SLC25A32: variants seen among roughly 807,000 people sequenced by gnomAD.
SLC25A32 encodes solute carrier family 25 member 32.
Under a neutral mutation model 39.0 loss-of-function variants are expected in SLC25A32, and 32 were observed. The observed-to-expected ratio is 0.82, with a 90% CI of 0.62 to 1.10. The LOEUF is 1.10. Among genes scored for constraint, SLC25A32 ranks in the 50% least tolerant of loss-of-function variants. SLC25A32 has a pLI of 0.00. For missense variants in SLC25A32, 367 were observed against 395.3 expected, an observed-to-expected ratio of 0.93 and a Z score of 0.61; for synonymous variants, 166 against 152.4, an observed-to-expected ratio of 1.09 and a Z score of -0.66.
intron 3 of SLC25A32, 52 bp downstream of exon 3, chr8:103,404,724 C>CT (rs1816290104): frequency 7.3e-7 from 1 of 1,361,020 alleles, no homozygotes; most frequent in South Asian, 1.2e-5. Context: ...AAAACCAAAA[C>CT]TGAAAATTAA....
At chr8:103,408,714 G>A (rs1398049867) in intron 1 of SLC25A32, among the ~76,000 whole-genome samples, 2 of 152,180 alleles carry the variant, frequency 1.3e-5, no homozygotes, top group African/African-American at 4.8e-5. Context: ...TCTTACTAGA[G>A]TGTTCCATAT....
chr8:103,413,795 C>T (rs1276347619), intron 1 of SLC25A32, among the ~76,000 whole-genome samples: 1 of 152,186 alleles, frequency 6.6e-6, no homozygotes, highest in Non-Finnish European at 1.5e-5. Flanking sequence ...TGGGAAACCC[C>T]AAGCCCCAAT....
At position 103,414,812 on chromosome 8, in the gene SLC25A32, C is replaced by T; in HGVS notation, c.126G>A (p.Pro42=). The T allele has an allele frequency of 6.2e-7, 1 of 1,613,780 alleles. No individual in the cohort carries two copies. The highest frequency in any genetic ancestry group is 8.5e-7 in the Non-Finnish European group (1 of 1,180,038). Reference sequence around the variant, plus strand: ...CGAAGCGGATCTTCACGAGGTCGAGCGGATGCAGCGCAAGGTTGGATAAGA... The same window carrying T: ...CGAAGCGGATCTTCACGAGGTCGAGTGGATGCAGCGCAAGGTTGGATAAGA... The part of the protein sequence containing the change: ...GGVLSNLALH[P]LDLVKIRFAV... Residue 42 remains proline, a synonymous_variant, in exon 1 of 7, where the codon CCG becomes CCA. Coordinates refer to ENST00000297578, the MANE Select transcript of SLC25A32 (RefSeq NM_030780.5).
At chr8:103,401,043 TTTAGAA>T (rs1361110229) in intron 6 of SLC25A32, among the ~76,000 whole-genome samples, 1 of 152,248 alleles carries the variant, frequency 6.6e-6, no homozygotes, top group Non-Finnish European at 1.5e-5. Context: ...CCTCTGTTCC[TTTAGAA>T]TTAAAGGGAA....
chr8:103,406,065 G>GTGTGTGTATATATATA (rs372284581), intron 2 of SLC25A32, among the ~76,000 whole-genome samples: 93 of 144,234 alleles, frequency 6.4e-4, no homozygotes, highest in Non-Finnish European at 1.0e-3. Flanking sequence ...GTGTGTGTGT[G>GTGTGTGTATATATATA]TATATATATA....
intron 1 of SLC25A32, 88 bp downstream of exon 1, chr8:103,414,696 C>T: frequency 6.4e-7 from 1 of 1,565,904 alleles, no homozygotes. Flanking sequence ...TTCAACGCTC[C>T]TCCTCCCCCT....
At position 103,400,198 on chromosome 8, in the gene SLC25A32, T is replaced by C; in HGVS notation, c.*213A>G. 1.8e-6 allele frequency: 1 copy of C among 554,012 alleles called. No homozygotes were observed. Among genetic ancestry groups the C allele is most frequent in the South Asian group, 2.4e-5 (1 of 42,508 alleles). 34.3% of individuals were successfully genotyped at this position (554,012 alleles called of 1,614,324 possible). A position where few individuals can be genotyped will look rare whatever the true frequency, so the allele number is the denominator to read the frequency against. ...TTTAACATTGTGTTGATGGCAGCCA[T>C]TTCAGGCAGAGGTAGCCAAGTTCCA... On this transcript the variant is annotated 3_prime_UTR_variant, in exon 7 of 7. Transcript: ENST00000297578.
At chr8:103,407,579 G>T in intron 2 of SLC25A32, 55 bp downstream of exon 2, 1 of 1,370,714 alleles carries the variant, frequency 7.3e-7, no homozygotes, top group Non-Finnish European at 9.7e-7. Context: ...AAAAATCACC[G>T]AAAACAAAAA....
chr8:103,410,752 A>G (rs1816447467), intron 1 of SLC25A32, among the ~76,000 whole-genome samples: 1 of 152,306 alleles, frequency 6.6e-6, no homozygotes, highest in Middle Eastern at 3.4e-3. Context: ...AAAAATGCCA[A>G]TGGACACAAG....
chr8:103,414,724 G>A, intron 1 of SLC25A32, 60 bp downstream of exon 1: 1 of 1,605,882 alleles, frequency 6.2e-7, no homozygotes, highest in Non-Finnish European at 8.5e-7. Flanking sequence ...AAAAGACGGA[G>A]GAGATCCAGT....
intron 2 of SLC25A32, among the ~76,000 whole-genome samples, chr8:103,407,190 T>G (rs949241069): frequency 2.0e-5 from 3 of 152,268 alleles, no homozygotes; most frequent in Non-Finnish European, 2.9e-5. Flanking sequence ...AATTTCATTG[T>G]GAATTATCTG....
chr8:103,402,209 T>C (rs907350460), intron 4 of SLC25A32, 155 bp from the exon 5 acceptor site: 2 of 545,240 alleles, frequency 3.7e-6, no homozygotes, highest in Non-Finnish European at 6.4e-6. Flanking sequence ...GTTAAAAACT[T>C]GTAATATAAA....
rs1216298206 is a variant in SLC25A32 at position 103,415,071 on chromosome 8, C to T, written c.-134G>A. The T allele has an allele frequency of 6.2e-7, 1 of 1,608,182 alleles. No homozygotes were observed. The highest frequency in any genetic ancestry group is 8.5e-7 in the Non-Finnish European group (1 of 1,177,624). On this transcript the variant is annotated 5_prime_UTR_variant, in exon 1 of 7. Transcript: ENST00000297578. ...CGGGACCAACGAGAGGACTCTTATG[C>T]CCAAGGCGCGTGAGCGAAGCCGGAG... is the stretch of plus-strand genomic sequence containing the variant.
At chr8:103,404,553 C>A (rs530144195) in intron 3 of SLC25A32, among the ~76,000 whole-genome samples, 14 of 152,044 alleles carry the variant, frequency 9.2e-5, no homozygotes, top group South Asian at 2.1e-4. Flanking sequence ...CGAGATAGCG[C>A]CACCGCACTC....
chr8:103,400,201 C>G lies in SLC25A32; in HGVS notation c.*210G>C. On this transcript the variant is annotated 3_prime_UTR_variant, in exon 7 of 7. Coordinates refer to ENST00000297578, the MANE Select transcript of SLC25A32 (RefSeq NM_030780.5). The stretch of plus-strand genomic sequence containing the variant: ...AACATTGTGTTGATGGCAGCCATTT[C>G]AGGCAGAGGTAGCCAAGTTCCATAT... The G allele has an allele frequency of 1.8e-6, 1 of 556,126 alleles. No individual in the cohort carries two copies. Among genetic ancestry groups the G allele is most frequent in the Non-Finnish European group, 3.1e-6 (1 of 319,156 alleles). 34.4% of individuals were successfully genotyped at this position (556,126 alleles called of 1,614,324 possible).
chr8:103,400,296 T>C lies in SLC25A32; in HGVS notation c.*115A>G, dbSNP rs780307617. 16 of 1,240,486 alleles carry C rather than the reference T, an allele frequency of 1.3e-5. No individual in the cohort carries two copies. Among genetic ancestry groups the C allele is most frequent in the Admixed American group, 2.1e-5 (1 of 47,226 alleles). The allele number at this position is 1,240,486 out of a possible 1,614,324, so 76.8% of individuals were successfully genotyped here. ...GCAGTTCTCTGGCTTCTAATGACTATAGAGCAATTTCGAATATGAGCCATG... is the reference window on the plus strand; with the variant it reads ...GCAGTTCTCTGGCTTCTAATGACTACAGAGCAATTTCGAATATGAGCCATG... On this transcript the variant is annotated 3_prime_UTR_variant, in exon 7 of 7. Transcript: ENST00000297578.
intron 1 of SLC25A32, among the ~76,000 whole-genome samples, chr8:103,413,054 T>G (rs192540060): frequency 8.5e-5 from 13 of 152,316 alleles, no homozygotes; most frequent in Non-Finnish European, 1.9e-4. Flanking sequence ...GATCTTTAAT[T>G]TAGGCCTCCA....
intron 1 of SLC25A32, among the ~76,000 whole-genome samples, chr8:103,410,044 T>C (rs1816426343): frequency 6.6e-6 from 1 of 152,208 alleles, no homozygotes; most frequent in Non-Finnish European, 1.5e-5. Context: ...GTGTGTCTCA[T>C]TCTTCTGTAT....
intron 1 of SLC25A32, among the ~76,000 whole-genome samples, chr8:103,410,338 G>A (rs886631004): frequency 2.6e-5 from 4 of 152,168 alleles, no homozygotes; most frequent in Non-Finnish European, 5.9e-5. Flanking sequence ...CTAGGTGGGC[G>A]GAGTACGAGC....
Sources: gnomAD v4.1 joint callset for allele counts (sites outside exome capture counted in the v4.1 genomes callset) on GRCh38, gnomAD v4.1.1 for gene constraint, MANE v1.5 for transcripts, NCBI Gene and HGNC (gene_info 2026-07-23, HGNC 2026-07-21) for gene names.